The following TENM3 variants were observed in gnomAD, a reference collection of about 807,000 sequenced individuals.
TENM3 encodes teneurin-3.
TENM3 carries 63 observed loss-of-function variants against 255.1 expected under a neutral mutation model. The ratio of observed to expected loss-of-function variants is 0.25; its 90% CI spans 0.20 to 0.30. The LOEUF (loss-of-function observed/expected upper bound fraction) is 0.30. TENM3 is among the 10% of genes least tolerant of loss of function. The pLI, the probability that TENM3 is intolerant of heterozygous loss-of-function variation, is 1.00. For missense variants in TENM3, 2,929 were observed against 3,461.1 expected (o/e 0.85, Z 3.86); for synonymous variants, 1,306 against 1,322.3 (o/e 0.99, Z 0.27).
Position 182,681,861 on chromosome 4 carries a change from G to A in TENM3, c.1882G>A (p.Gly628Arg). ...TTCTAATCATGGTGTGTGTATCCAC[G>A]GGGAATGTCACTGCAGTCCAGGATG... ...GCSNHGVCIH[G>R]ECHCSPGWGG... The change falls in exon 11 of 28, where the codon GGG becomes AGG. Residue 628 changes from glycine (G) to arginine (R), a missense_variant. Gly to Arg is a moderately radical substitution (Grantham distance 125). Coordinates refer to ENST00000511685, the MANE Select transcript of TENM3 (RefSeq NM_001080477.4). 6.2e-7 allele frequency: 1 copy of A among 1,613,772 alleles called. No individual in the cohort carries two copies. Among genetic ancestry groups the A allele is most frequent in the Non-Finnish European group, 8.5e-7 (1 of 1,179,792 alleles).
the TENM3 span, among the ~76,000 whole-genome samples, chr4:182,031,881 G>C: frequency 6.6e-6 from 1 of 152,144 alleles, no homozygotes; most frequent in African/African-American, 2.4e-5. Context: ...AGGAATGCTT[G>C]GGATTTTTGC....
At chr4:181,930,011 CA>C in the TENM3 span, among the ~76,000 whole-genome samples, 1 of 152,082 alleles carries the variant, frequency 6.6e-6, no homozygotes, top group South Asian at 2.1e-4. Flanking sequence ...ATCTCTGGAA[CA>C]GAGCTAAAGC....
chr4:181,609,849 A>G, the TENM3 span, among the ~76,000 whole-genome samples: 1 of 152,026 alleles, frequency 6.6e-6, no homozygotes, highest in Non-Finnish European at 1.5e-5. Context: ...TGAGCTCTAT[A>G]TTTTAGAAAT....
At chr4:181,711,422 C>A in the TENM3 span, among the ~76,000 whole-genome samples, 1 of 152,110 alleles carries the variant, frequency 6.6e-6, no homozygotes, top group South Asian at 2.1e-4. Context: ...TATTTCTAGA[C>A]CCAAGTGTTT....
At chr4:181,916,461 G>A in the TENM3 span, among the ~76,000 whole-genome samples, 1 of 152,154 alleles carries the variant, frequency 6.6e-6, no homozygotes, top group Non-Finnish European at 1.5e-5. Context: ...AATGATTGAA[G>A]ATGACTTATT....
intron 3 of TENM3, among the ~76,000 whole-genome samples, chr4:182,451,799 T>C (rs1773482215): frequency 6.6e-6 from 1 of 152,198 alleles, no homozygotes; most frequent in Non-Finnish European, 1.5e-5. Flanking sequence ...TGTTTTCAGC[T>C]CTGATCAGCA....
chr4:182,065,600 C>A, the TENM3 span, among the ~76,000 whole-genome samples: 1 of 152,180 alleles, frequency 6.6e-6, no homozygotes, highest in African/African-American at 2.4e-5. Context: ...AATCCAATCA[C>A]CTCCCACCCG....
chr4:182,006,992 A>T, the TENM3 span, among the ~76,000 whole-genome samples: 1 of 152,096 alleles, frequency 6.6e-6, no homozygotes, highest in Non-Finnish European at 1.5e-5. Context: ...TTTACCCAGG[A>T]GTCATTCAGG....
intron 3 of TENM3, among the ~76,000 whole-genome samples, chr4:182,387,097 G>A (rs1357300381): frequency 2.0e-5 from 3 of 152,148 alleles, no homozygotes; most frequent in African/African-American, 7.2e-5. Context: ...TTTAGCTCAA[G>A]GTTTGTGAAT....
intron 3 of TENM3, among the ~76,000 whole-genome samples, chr4:182,537,152 C>T (rs1166941433): frequency 6.6e-6 from 1 of 152,152 alleles, no homozygotes; most frequent in African/African-American, 2.4e-5. Flanking sequence ...TCTAGAATAT[C>T]TTGTCTGATT....
In TENM3 at chr4:182,772,990, G is replaced by A. The variant is rs111910475; in HGVS notation, c.4893-482G>A. ...GTTCTTATTTTATTAATTTGTTGAA[G>A]ATGTCTGAAGATACTAAAAGGATTT... On this transcript the variant is annotated intron_variant, in intron 22 of 27. Coordinates refer to ENST00000511685, the MANE Select transcript of TENM3 (RefSeq NM_001080477.4). 2.6e-3 allele frequency among the ~76,000 whole-genome samples: 399 copies of A among 152,246 alleles called. 1 individual carries two copies. The highest frequency in any genetic ancestry group is 6.8e-3 in the Middle Eastern group (2 of 294).
At chr4:181,833,270 C>T in the TENM3 span, among the ~76,000 whole-genome samples, 6 of 152,054 alleles carry the variant, frequency 3.9e-5, no homozygotes, top group Non-Finnish European at 8.8e-5. Context: ...ATCACTAGCC[C>T]GGTTCATTCC....
At chr4:182,062,437 A>G in the TENM3 span, among the ~76,000 whole-genome samples, 3 of 152,196 alleles carry the variant, frequency 2.0e-5, no homozygotes, top group African/African-American at 7.2e-5. Flanking sequence ...ATTCTTTGCT[A>G]ATGACATTGG....
chr4:181,769,706 AT>A, the TENM3 span, among the ~76,000 whole-genome samples: 2 of 152,004 alleles, frequency 1.3e-5, no homozygotes, highest in African/African-American at 2.4e-5. Flanking sequence ...GATTTGTGGA[AT>A]TTTTTTGCCC....
chr4:182,659,130 G>A (rs932707980), intron 6 of TENM3, among the ~76,000 whole-genome samples: 6 of 152,186 alleles, frequency 3.9e-5, no homozygotes, highest in Admixed American at 6.5e-5. Flanking sequence ...ACAAGGGCAC[G>A]TGGGATGGAA....
the TENM3 span, among the ~76,000 whole-genome samples, chr4:181,849,723 G>A: frequency 6.6e-6 from 1 of 152,008 alleles, no homozygotes; most frequent in African/African-American, 2.4e-5. Flanking sequence ...GACATCATTG[G>A]AATTTTTCTA....
chr4:181,569,152 G>A, the TENM3 span, among the ~76,000 whole-genome samples: 1 of 152,112 alleles, frequency 6.6e-6, no homozygotes, highest in Non-Finnish European at 1.5e-5. Flanking sequence ...GGACCACATA[G>A]TGAGGCCCCC....
At chr4:181,665,993 G>A in the TENM3 span, among the ~76,000 whole-genome samples, 26 of 152,010 alleles carry the variant, frequency 1.7e-4, no homozygotes, top group African/African-American at 3.1e-4. Context: ...GTATTCAAGC[G>A]TTAACTTCTG....
intron 16 of TENM3, among the ~76,000 whole-genome samples, chr4:182,731,488 T>C (rs2152713001): frequency 6.6e-6 from 1 of 152,066 alleles, no homozygotes; most frequent in African/African-American, 2.4e-5. Context: ...CCAGCCTGGG[T>C]GACACAGTGA....
Sources: gnomAD v4.1 joint callset for allele counts (sites outside exome capture counted in the v4.1 genomes callset) on GRCh38, gnomAD v4.1.1 for gene constraint, MANE v1.5 for transcripts, NCBI Gene and HGNC (gene_info 2026-07-23, HGNC 2026-07-21) for gene names.